CTBP2: variants seen among roughly 807,000 people sequenced by gnomAD.
CTBP2 encodes C-terminal-binding protein 2.
Under a neutral mutation model 80.3 loss-of-function variants are expected in CTBP2, and 30 were observed. The ratio of observed to expected loss-of-function variants is 0.37; its 90% CI spans 0.28 to 0.51. The LOEUF is 0.51. CTBP2 is among the 20% of genes least tolerant of loss of function. The pLI is 0.93. For missense variants in CTBP2, 1,212 were observed against 1,375.3 expected, an observed-to-expected ratio of 0.88 and a Z score of 1.88; for synonymous variants, 594 against 587.4, an observed-to-expected ratio of 1.01 and a Z score of -0.16.
intron 2 of CTBP2, among the ~76,000 whole-genome samples, chr10:125,059,827 TTGTC>T (rs2135325631): frequency 6.6e-6 from 1 of 152,220 alleles, no homozygotes; most frequent in Non-Finnish European, 1.5e-5. Context: ...TTGTCAGCGT[TTGTC>T]TGGATTCACT....
chr10:125,004,710 T>TC, intron 1 of CTBP2, among the ~76,000 whole-genome samples: 1 of 151,912 alleles, frequency 6.6e-6, no homozygotes, highest in Non-Finnish European at 1.5e-5. Context: ...TACATCCCCA[T>TC]CCCCTCCCTC....
intron 2 of CTBP2, among the ~76,000 whole-genome samples, chr10:125,068,862 G>C (rs1845032628): frequency 6.6e-6 from 1 of 152,314 alleles, no homozygotes; most frequent in East Asian, 1.9e-4. Flanking sequence ...CCTGCTGGGG[G>C]AATCTGCCCC....
At chr10:125,069,038 G>A (rs1845061994) in intron 2 of CTBP2, among the ~76,000 whole-genome samples, 1 of 152,068 alleles carries the variant, frequency 6.6e-6, no homozygotes, top group Non-Finnish European at 1.5e-5. Context: ...GCACTCACAG[G>A]GCTGGGGTAG....
At chr10:125,022,086 A>G (rs976642748) in intron 1 of CTBP2, among the ~76,000 whole-genome samples, 2 of 152,240 alleles carry the variant, frequency 1.3e-5, no homozygotes, top group Non-Finnish European at 2.9e-5. Flanking sequence ...CTTGCACACG[A>G]CAGCTCACGC....
At chr10:125,018,795 C>G (rs1956772715) in intron 1 of CTBP2, among the ~76,000 whole-genome samples, 2 of 152,256 alleles carry the variant, frequency 1.3e-5, no homozygotes, top group Admixed American at 6.5e-5. Flanking sequence ...GCCAACGCCA[C>G]TGGCATCCCA....
chr10:125,083,210 T>G (rs1847442951), intron 2 of CTBP2, among the ~76,000 whole-genome samples: 1 of 152,162 alleles, frequency 6.6e-6, no homozygotes, highest in Non-Finnish European at 1.5e-5. Context: ...ACCAACAACG[T>G]AAGACCACCA....
At chr10:125,088,026 T>C (rs1268855771) in intron 2 of CTBP2, among the ~76,000 whole-genome samples, 1 of 152,044 alleles carries the variant, frequency 6.6e-6, no homozygotes, top group Admixed American at 6.5e-5. Flanking sequence ...GCTCTTCAAA[T>C]GGTCAAGGCA....
At chr10:125,127,443 TTC>T (rs1855466318) in intron 1 of CTBP2, among the ~76,000 whole-genome samples, 1 of 152,228 alleles carries the variant, frequency 6.6e-6, no homozygotes, top group Non-Finnish European at 1.5e-5. Flanking sequence ...GTGAATCATC[TTC>T]TCTCAAACGC....
At chr10:125,031,862 C>T (rs954775286), upstream of CTBP2, among the ~76,000 whole-genome samples, 1 of 152,230 alleles carries the variant, frequency 6.6e-6, no homozygotes, top group African/African-American at 2.4e-5. Flanking sequence ...CGTCGAGTGT[C>T]TGAACCAACC....
intron 1 of CTBP2, among the ~76,000 whole-genome samples, chr10:125,141,636 G>A (rs1340910992): frequency 2.0e-5 from 3 of 152,062 alleles, no homozygotes; most frequent in African/African-American, 7.2e-5. Context: ...CAAGCACACA[G>A]TAAACACACG....
chr10:125,082,833 C>G (rs192186943), intron 2 of CTBP2, among the ~76,000 whole-genome samples: 26 of 152,252 alleles, frequency 1.7e-4, no homozygotes, highest in African/African-American at 6.0e-4. Context: ...AAATGATCCG[C>G]TCGCCTCGGC....
intron 2 of CTBP2, among the ~76,000 whole-genome samples, chr10:125,039,703 G>A (rs1380362431): frequency 6.6e-6 from 1 of 152,228 alleles, no homozygotes; most frequent in African/African-American, 2.4e-5. Context: ...GAGAACGCGG[G>A]TGGGAAGCCC....
At position 124,985,164 on chromosome 10, in the gene CTBP2, C is replaced by T. The variant is rs766083557; in HGVS notation, c.*4354G>A. 170 of 528,566 alleles carry T rather than the reference C, an allele frequency of 3.2e-4. No homozygotes were observed. The highest frequency in any genetic ancestry group is 4.8e-4 in the Non-Finnish European group (144 of 301,300). The allele number at this position is 528,566 out of a possible 1,614,324, so 32.7% of individuals were successfully genotyped here. On this transcript the variant is annotated 3_prime_UTR_variant, in exon 9 of 9. Coordinates refer to ENST00000309035, the MANE Select transcript of CTBP2 (RefSeq NM_022802.3). ...CCTTATGGAGATAATGCCTCTGCTG[C>T]GTGAGGAGACAGAGAACTTTAGTTG...
intron 7 of CTBP2, 60 bp from the exon 10 acceptor site, chr10:124,992,872 T>G: frequency 7.0e-6 from 9 of 1,285,244 alleles, no homozygotes; most frequent in Non-Finnish European, 1.0e-5. Flanking sequence ...AAGTTCAACA[T>G]TACACCTGTA....
chr10:125,063,776 G>A (rs929696068), intron 2 of CTBP2, among the ~76,000 whole-genome samples: 56 of 152,194 alleles, frequency 3.7e-4, no homozygotes, highest in African/African-American at 1.4e-3. Context: ...AACTTCCAAA[G>A]TAAACAAAAG....
intron 1 of CTBP2, among the ~76,000 whole-genome samples, chr10:125,128,428 G>C (rs1326673996): frequency 6.6e-6 from 1 of 152,178 alleles, no homozygotes; most frequent in African/African-American, 2.4e-5. Context: ...GCGGGGGGAA[G>C]GAATGAAGGA....
chr10:125,022,478 G>GGGGACA (rs1197128456), intron 1 of CTBP2, among the ~76,000 whole-genome samples: 19 of 136,818 alleles, frequency 1.4e-4, no homozygotes, highest in African/African-American at 5.9e-4. Flanking sequence ...AGAACAGCAG[G>GGGGACA]GGTACAGGTC....
In CTBP2 at chr10:125,003,189, C is replaced by T. The variant is rs1954769194; in HGVS notation, c.1834-85G>A. On this transcript the variant is annotated intron_variant, in intron 2 of 8. Transcript: ENST00000309035. ...TGGCCTGGCCCCCTGGCCCTATCAC[C>T]CTTGAACCTGAGGCAGAGGAGTTCA... 2.5e-6 allele frequency: 4 copies of T among 1,596,246 alleles called. No homozygotes were observed. The South Asian group carries it at 3.4e-5, about 13-fold the overall frequency.
intron 2 of CTBP2, among the ~76,000 whole-genome samples, chr10:125,096,413 CTA>C (rs1849552217): frequency 6.6e-6 from 1 of 152,176 alleles, no homozygotes; most frequent in Non-Finnish European, 1.5e-5. Flanking sequence ...TGATTTGAGA[CTA>C]TCGCCTCATG....
Sources: allele counts gnomAD v4.1 joint callset (sites outside exome capture counted in the v4.1 genomes callset), GRCh38; gene constraint gnomAD v4.1.1; transcripts MANE v1.5; gene names NCBI Gene and HGNC (gene_info 2026-07-23, HGNC 2026-07-21).